Variants in AGMO observed in about 807,000 individuals in gnomAD.
The protein encoded by AGMO is alkylglycerol monooxygenase, also known as glyceryl-ether monooxygenase.
Under a neutral mutation model 60.2 loss-of-function variants are expected in AGMO, and 75 were observed. That is an observed-to-expected ratio of 1.25 (90% CI 1.03 to 1.51). The LOEUF (loss-of-function observed/expected upper bound fraction) is 1.51. Among genes scored for constraint, AGMO ranks in the 40% most tolerant of loss-of-function variants. AGMO has a pLI of 0.00. For synonymous variants in AGMO, 261 were observed against 177.1 expected, an observed-to-expected ratio of 1.47 and a Z score of -3.76; for missense variants, 763 against 525.5, an observed-to-expected ratio of 1.45 and a Z score of -4.42.
intron 5 of AGMO, among the ~76,000 whole-genome samples, chr7:15,402,952 T>C (rs1430794329): frequency 6.6e-6 from 1 of 151,748 alleles, no homozygotes; most frequent in Non-Finnish European, 1.5e-5. Flanking sequence ...TACACAAGCA[T>C]TGCCTGAAGG....
chr7:15,184,946 AAAG>A, the AGMO span, among the ~76,000 whole-genome samples: 13 of 151,954 alleles, frequency 8.6e-5, no homozygotes, highest in South Asian at 1.2e-3. Context: ...AGGAGAAATG[AAAG>A]AAGGAGAGAA....
chr7:15,274,570 C>A (rs1286909658), intron 12 of AGMO, among the ~76,000 whole-genome samples: 1 of 151,884 alleles, frequency 6.6e-6, no homozygotes, highest in Non-Finnish European at 1.5e-5. Flanking sequence ...ATTTGAGTAT[C>A]AGGATCATAC....
intron 12 of AGMO, among the ~76,000 whole-genome samples, chr7:15,336,291 C>A (rs1168335249): frequency 6.7e-6 from 1 of 150,014 alleles, no homozygotes; most frequent in African/African-American, 2.4e-5. Flanking sequence ...CCACCCAGTT[C>A]TTTTGTTTAT....
At chr7:15,380,956 G>A (rs1211887910) in intron 10 of AGMO, among the ~76,000 whole-genome samples, 2 of 152,098 alleles carry the variant, frequency 1.3e-5, no homozygotes, top group Non-Finnish European at 2.9e-5. Flanking sequence ...TCAATAAATG[G>A]TGCTGGGATA....
the AGMO span, among the ~76,000 whole-genome samples, chr7:15,161,336 C>T: frequency 6.6e-6 from 1 of 152,048 alleles, no homozygotes; most frequent in South Asian, 2.1e-4. Context: ...GCAAATTCTG[C>T]CTGCAGATGG....
intron 12 of AGMO, among the ~76,000 whole-genome samples, chr7:15,350,414 G>A (rs1782197845): frequency 6.6e-6 from 1 of 152,182 alleles, no homozygotes; most frequent in South Asian, 2.1e-4. Context: ...ATGTAAGCAT[G>A]AGAGATGATG....
intron 12 of AGMO, among the ~76,000 whole-genome samples, chr7:15,255,640 T>C (rs961936408): frequency 2.0e-5 from 3 of 151,838 alleles, no homozygotes; most frequent in Non-Finnish European, 4.4e-5. Flanking sequence ...CAGAATTCAA[T>C]AGCACATTAA....
At chr7:15,348,750 G>A (rs1042760210) in intron 12 of AGMO, among the ~76,000 whole-genome samples, 3 of 151,972 alleles carry the variant, frequency 2.0e-5, no homozygotes, top group African/African-American at 7.2e-5. Flanking sequence ...AGAGCTAGAT[G>A]CTCCATTGCA....
chr7:15,160,691 T>C, the AGMO span, among the ~76,000 whole-genome samples: 1 of 152,292 alleles, frequency 6.6e-6, no homozygotes, highest in East Asian at 1.9e-4. Flanking sequence ...CATTCAAAAA[T>C]ATTTATTAGT....
At chr7:15,161,512 T>G in the AGMO span, among the ~76,000 whole-genome samples, 11 of 151,718 alleles carry the variant, frequency 7.3e-5, no homozygotes, top group Admixed American at 3.3e-4. Flanking sequence ...ATGTCATATA[T>G]GTATTAATGC....
At chr7:15,267,590 T>G (rs1055522668) in intron 12 of AGMO, among the ~76,000 whole-genome samples, 3 of 151,998 alleles carry the variant, frequency 2.0e-5, no homozygotes, top group African/African-American at 7.2e-5. Flanking sequence ...ACTTTTTCTG[T>G]TCCACATCCA....
chr7:15,126,713 G>A, the AGMO span, among the ~76,000 whole-genome samples: 9 of 152,118 alleles, frequency 5.9e-5, no homozygotes, highest in African/African-American at 1.9e-4. Flanking sequence ...CCCAAAGCAC[G>A]TTTCTCTGAC....
intron 3 of AGMO, among the ~76,000 whole-genome samples, chr7:15,444,477 T>A (rs1167430079): frequency 1.3e-5 from 2 of 152,206 alleles, no homozygotes; most frequent in Admixed American, 1.3e-4. Context: ...CCAAAGCAAT[T>A]ATTGGCCTTC....
At chr7:15,335,412 T>A (rs1311235884) in intron 12 of AGMO, among the ~76,000 whole-genome samples, 1 of 152,176 alleles carries the variant, frequency 6.6e-6, no homozygotes, top group Non-Finnish European at 1.5e-5. Context: ...GTGGAAATAT[T>A]TCTTCTGTCA....
intron 12 of AGMO, among the ~76,000 whole-genome samples, chr7:15,333,958 T>C (rs557133738): frequency 1.3e-5 from 2 of 152,108 alleles, no homozygotes; most frequent in African/African-American, 2.4e-5. Context: ...TATTAAAAGT[T>C]ACCATAGAAT....
At chr7:15,341,835 G>C (rs972951406) in intron 12 of AGMO, among the ~76,000 whole-genome samples, 1 of 152,094 alleles carries the variant, frequency 6.6e-6, no homozygotes, top group African/African-American at 2.4e-5. Flanking sequence ...GCTAGCAAGA[G>C]GGTGTGTGCA....
At chr7:15,462,496 T>C (rs1434068750) in intron 3 of AGMO, among the ~76,000 whole-genome samples, 1 of 152,100 alleles carries the variant, frequency 6.6e-6, no homozygotes, top group Non-Finnish European at 1.5e-5. Flanking sequence ...TACTAAAATA[T>C]ACAAAGAAAT....
At chr7:15,390,963 A>G (rs1487467901) in intron 6 of AGMO, 58 bp from the exon 7 acceptor site, 5 of 1,040,002 alleles carry the variant, frequency 4.8e-6, no homozygotes, top group African/African-American at 4.0e-5. Flanking sequence ...TTTTTGAGAT[A>G]CTTCCATCTT....
rs183838286 is a variant in AGMO at position 15,335,515 on chromosome 7, C to T, written c.1263+29999G>A. ...TGATTTTATGGTGCCTAGATTCCAC[C>T]GGAAAATATTTAGTCACTCGCTTAC... is the stretch of plus-strand genomic sequence containing the variant. On this transcript the variant is annotated intron_variant, in intron 12 of 12. Transcript: ENST00000342526. Among the ~76,000 whole-genome samples, 7 of 152,034 alleles carry T rather than the reference C, an allele frequency of 4.6e-5. No individual in the cohort carries two copies. The East Asian group carries it at 1.2e-3, about 25-fold the overall frequency.
Sources: allele counts gnomAD v4.1 joint callset (sites outside exome capture counted in the v4.1 genomes callset), GRCh38; gene constraint gnomAD v4.1.1; transcripts MANE v1.5; gene names NCBI Gene and HGNC (gene_info 2026-07-23, HGNC 2026-07-21).